The following LGSN variants were observed in gnomAD, a reference collection of about 807,000 sequenced individuals.
LGSN encodes lengsin, lens protein with glutamine synthetase domain.
A neutral mutation model predicts 19.5 loss-of-function variants in LGSN; 21 were observed. That is an observed-to-expected ratio of 1.07 (90% CI 0.76 to 1.55). The LOEUF (loss-of-function observed/expected upper bound fraction) is 1.55, where lower values mean the gene tolerates loss of function less well. Ranked by LOEUF, LGSN falls within the 40% of genes most tolerant of loss-of-function variation. The pLI is 0.00. For missense variants in LGSN, 673 were observed against 608.5 expected (o/e 1.11, Z -1.12); for synonymous variants, 257 against 215.6 (o/e 1.19, Z -1.68).
the LGSN span, among the ~76,000 whole-genome samples, chr6:63,432,160 A>AGG: frequency 6.3e-3 from 632 of 100,066 alleles, 26 homozygotes; most frequent in East Asian, 0.025. Context: ...AAAGAAAGAA[A>AGG]GAAAGAAAGA....
At chr6:63,342,147 A>T in the LGSN span, among the ~76,000 whole-genome samples, 1 of 152,208 alleles carries the variant, frequency 6.6e-6, no homozygotes, top group Non-Finnish European at 1.5e-5. Context: ...TTGTAAGGCC[A>T]GTTCTGTGTC....
chr6:63,480,949 A>T, the LGSN span, among the ~76,000 whole-genome samples: 1 of 35,000 alleles, frequency 2.9e-5, no homozygotes, highest in Non-Finnish European at 5.7e-5. Context: ...TGATATATAT[A>T]TATATATATA....
chr6:63,394,487 G>A, the LGSN span, among the ~76,000 whole-genome samples: 2,268 of 152,318 alleles, frequency 0.015, 30 homozygotes, highest in Non-Finnish European at 0.021. Context: ...TTAAAAGGGG[G>A]AGGAACCCTC....
At chr6:63,518,077 G>T in the LGSN span, among the ~76,000 whole-genome samples, 66 of 151,574 alleles carry the variant, frequency 4.4e-4, no homozygotes, top group Non-Finnish European at 8.1e-4. Context: ...GCTTAAACCC[G>T]GGAGGCGGAG....
chr6:63,364,613 G>C, the LGSN span, among the ~76,000 whole-genome samples: 2 of 152,038 alleles, frequency 1.3e-5, no homozygotes, highest in African/African-American at 2.4e-5. Context: ...AACTCTCCAC[G>C]CCAAATCAAC....
the LGSN span, among the ~76,000 whole-genome samples, chr6:63,382,255 T>C: frequency 3.3e-5 from 5 of 152,246 alleles, no homozygotes; most frequent in African/African-American, 7.2e-5. Flanking sequence ...AAATACTTAC[T>C]AGTAATAATA....
the LGSN span, among the ~76,000 whole-genome samples, chr6:63,331,656 C>A: frequency 6.6e-6 from 1 of 151,746 alleles, no homozygotes; most frequent in South Asian, 2.1e-4. Flanking sequence ...TGCCCAAGAA[C>A]CCACAACGGT....
At chr6:63,333,736 C>T in the LGSN span, among the ~76,000 whole-genome samples, 2 of 152,210 alleles carry the variant, frequency 1.3e-5, no homozygotes, top group Admixed American at 1.3e-4. Flanking sequence ...CAACAAAATA[C>T]TGGCAAACTC....
At chr6:63,316,690 T>C (rs1293734616) in intron 1 of LGSN, among the ~76,000 whole-genome samples, 1 of 151,876 alleles carries the variant, frequency 6.6e-6, no homozygotes, top group South Asian at 2.1e-4. Flanking sequence ...TGTGAAGGCT[T>C]TGTGGGTGAG....
chr6:63,470,477 A>AG, the LGSN span, among the ~76,000 whole-genome samples: 1 of 29,770 alleles, frequency 3.4e-5, no homozygotes, highest in Admixed American at 2.7e-4. Flanking sequence ...GTCTCAATTC[A>AG]AAAAAAAAAA....
At chr6:63,426,704 A>T in the LGSN span, among the ~76,000 whole-genome samples, 11 of 152,192 alleles carry the variant, frequency 7.2e-5, no homozygotes, top group East Asian at 2.1e-3. Flanking sequence ...CAGTAGAGAC[A>T]GGATTTTGCC....
the LGSN span, among the ~76,000 whole-genome samples, chr6:63,369,168 C>T: frequency 3.2e-4 from 48 of 152,214 alleles, no homozygotes; most frequent in Admixed American, 1.8e-3. Context: ...TACCACCAAA[C>T]ATCCATCCAG....
At chr6:63,451,835 T>G in the LGSN span, among the ~76,000 whole-genome samples, 2 of 152,188 alleles carry the variant, frequency 1.3e-5, no homozygotes, top group Admixed American at 6.5e-5. Context: ...TCACACAATT[T>G]TTCGTCTGTT....
At chr6:63,398,207 TAAAAAAAAAA>T in the LGSN span, among the ~76,000 whole-genome samples, 3 of 109,746 alleles carry the variant, frequency 2.7e-5, no homozygotes, top group Non-Finnish European at 6.2e-5. Context: ...TCCTATTTAC[TAAAAAAAAAA>T]AAAAAAAAAA....
At chr6:63,413,898 A>C in the LGSN span, among the ~76,000 whole-genome samples, 1 of 152,206 alleles carries the variant, frequency 6.6e-6, no homozygotes, top group Admixed American at 6.5e-5. Context: ...GTATATATAT[A>C]ATTCATTTAT....
the LGSN span, among the ~76,000 whole-genome samples, chr6:63,505,773 C>T: frequency 6.6e-6 from 1 of 152,092 alleles, no homozygotes; most frequent in Non-Finnish European, 1.5e-5. Flanking sequence ...AATTCTTCTG[C>T]CTCAACCTCC....
the LGSN span, among the ~76,000 whole-genome samples, chr6:63,338,073 A>G: frequency 6.6e-6 from 1 of 151,976 alleles, no homozygotes; most frequent in Admixed American, 6.6e-5. Flanking sequence ...TTTAGTAGAG[A>G]CAAGGTTTCA....
At chr6:63,287,791 C>T (rs1223618695) in intron 2 of LGSN, among the ~76,000 whole-genome samples, 2 of 152,050 alleles carry the variant, frequency 1.3e-5, no homozygotes, top group Admixed American at 1.3e-4. Flanking sequence ...ATAAAGAAGA[C>T]ATCTCCTATA....
At chr6:63,333,076 T>G in the LGSN span, among the ~76,000 whole-genome samples, 1 of 151,872 alleles carries the variant, frequency 6.6e-6, no homozygotes, top group Non-Finnish European at 1.5e-5. Context: ...GTAGCAAGAT[T>G]TATTGCAAAA....
Sources: allele counts gnomAD v4.1 joint callset (sites outside exome capture counted in the v4.1 genomes callset), GRCh38; gene constraint gnomAD v4.1.1; transcripts MANE v1.5; gene names NCBI Gene and HGNC (gene_info 2026-07-23, HGNC 2026-07-21).